NUP133: variants seen among roughly 807,000 people sequenced by gnomAD.
NUP133 encodes the protein nuclear pore complex protein Nup133.
NUP133 carries 66 observed loss-of-function variants against 146.2 expected under a neutral mutation model. The ratio of observed to expected loss-of-function variants is 0.45; its 90% CI spans 0.37 to 0.55. The LOEUF (loss-of-function observed/expected upper bound fraction) is 0.55, where lower values mean the gene tolerates loss of function less well. Ranked by LOEUF, NUP133 falls within the 20% of genes least tolerant of loss-of-function variation. NUP133 has a pLI of 0.00. For missense variants in NUP133, 1,277 were observed against 1,374.8 expected (o/e 0.93, Z 1.12); for synonymous variants, 521 against 498.8 (o/e 1.04, Z -0.59).
intron 21 of NUP133, among the ~76,000 whole-genome samples, chr1:229,453,119 G>T (rs992652811): frequency 6.6e-6 from 1 of 152,020 alleles, no homozygotes; most frequent in African/African-American, 2.4e-5. Flanking sequence ...TAAAGAGATG[G>T]GGTCTTGCTA....
At chr1:229,475,801 C>A in intron 13 of NUP133, 69 bp from the exon 14 acceptor site, 1 of 1,226,410 alleles carries the variant, frequency 8.2e-7, no homozygotes, top group Non-Finnish European at 1.2e-6. Flanking sequence ...ATATCAGTGG[C>A]TAACTGCTAT....
chr1:229,480,358 G>A (rs1265620624), intron 12 of NUP133, among the ~76,000 whole-genome samples: 1 of 152,278 alleles, frequency 6.6e-6, no homozygotes, highest in East Asian at 1.9e-4. Flanking sequence ...CCAGGGTGAA[G>A]CTGGTGACCC....
intron 15 of NUP133, 43 bp downstream of exon 15, chr1:229,470,537 T>A (rs776638658): frequency 1.3e-6 from 2 of 1,495,090 alleles, no homozygotes; most frequent in Non-Finnish European, 1.9e-6. Flanking sequence ...GATCACTAAA[T>A]GGCACAGTTC....
intron 16 of NUP133, 23 bp downstream of exon 16, chr1:229,466,611 A>T: frequency 1.2e-6 from 2 of 1,613,614 alleles, no homozygotes; most frequent in South Asian, 2.2e-5. Context: ...TGATTTGCTG[A>T]AGCCTTTACT....
intron 12 of NUP133, among the ~76,000 whole-genome samples, chr1:229,481,592 G>A (rs1350408943): frequency 6.6e-6 from 1 of 151,660 alleles, no homozygotes; most frequent in Non-Finnish European, 1.5e-5. Flanking sequence ...CCTGCTGCTT[G>A]GGAGGCTGAG....
intron 15 of NUP133, among the ~76,000 whole-genome samples, chr1:229,469,411 C>A (rs530394225): frequency 7.7e-4 from 117 of 152,294 alleles, no homozygotes; most frequent in Admixed American, 7.6e-3. Flanking sequence ...GCAGACTTTA[C>A]TTTTTCTCTG....
intron 10 of NUP133, 71 bp from the exon 11 acceptor site, chr1:229,486,599 C>A: frequency 1.4e-6 from 2 of 1,421,196 alleles, no homozygotes; most frequent in Non-Finnish European, 1.9e-6. Flanking sequence ...AGCTACCACC[C>A]TAAGCAGAAA....
intron 8 of NUP133, among the ~76,000 whole-genome samples, chr1:229,491,238 C>T (rs1268127687): frequency 6.6e-6 from 1 of 152,162 alleles, no homozygotes; most frequent in African/African-American, 2.4e-5. Flanking sequence ...ACTACATGGC[C>T]GCCAAAGCCT....
At position 229,486,547 on chromosome 1, in the gene NUP133, G is replaced by A. The variant is rs780610655; in HGVS notation, c.1343-19C>T. 6.3e-7 allele frequency: 1 copy of A among 1,595,404 alleles called. No individual in the cohort carries two copies. The highest frequency in any genetic ancestry group is 8.5e-7 in the Non-Finnish European group (1 of 1,174,262). The stretch of plus-strand genomic sequence containing the variant: ...CTATCTCCTAAAAGAAAGGAAAACA[G>A]AGTCAAATACATCTAACAATAACAA... On this transcript the variant is annotated intron_variant, in intron 10 of 25. Transcript: ENST00000261396.
chr1:229,502,577 A>AAAG (rs1661831699), intron 2 of NUP133, among the ~76,000 whole-genome samples: 1 of 150,738 alleles, frequency 6.6e-6, no homozygotes, highest in African/African-American at 2.4e-5. Context: ...AAAAAAAAAA[A>AAAG]AAAGAAAGAA....
intron 8 of NUP133, among the ~76,000 whole-genome samples, chr1:229,492,348 C>G (rs1661545816): frequency 6.6e-6 from 1 of 152,026 alleles, no homozygotes. Context: ...CTCAGGTGAT[C>G]CGCCCACCTC....
At chr1:229,497,096 A>G (rs1277521202) in intron 6 of NUP133, among the ~76,000 whole-genome samples, 1 of 152,232 alleles carries the variant, frequency 6.6e-6, no homozygotes, top group Non-Finnish European at 1.5e-5. Context: ...CATCACTGAT[A>G]GGGCAGAAAG....
intron 15 of NUP133, among the ~76,000 whole-genome samples, chr1:229,468,734 A>T (rs1185926202): frequency 6.6e-6 from 1 of 152,226 alleles, no homozygotes; most frequent in Non-Finnish European, 1.5e-5. Context: ...AATTAATTTT[A>T]AAAAATTGTC....
intron 18 of NUP133, 139 bp from the exon 19 acceptor site, chr1:229,463,815 T>C (rs1660750284): frequency 1.1e-6 from 1 of 935,544 alleles, no homozygotes; most frequent in East Asian, 2.9e-5. Flanking sequence ...TCCCACTTAC[T>C]GGCACTTAGT....
chr1:229,469,276 C>A (rs1289651702), intron 15 of NUP133, among the ~76,000 whole-genome samples: 1 of 152,240 alleles, frequency 6.6e-6, no homozygotes, highest in Non-Finnish European at 1.5e-5. Flanking sequence ...ACAGCGAAGT[C>A]TGCCTTGCTG....
intron 12 of NUP133, among the ~76,000 whole-genome samples, chr1:229,482,884 G>T (rs529981874): frequency 6.6e-6 from 1 of 152,330 alleles, no homozygotes; most frequent in Admixed American, 6.5e-5. Flanking sequence ...CAGGAATAGA[G>T]AGCGAGCTGG....
chr1:229,460,843 T>G lies in NUP133; in HGVS notation c.2686-74A>C. On this transcript the variant is annotated intron_variant, in intron 19 of 25. Coordinates refer to ENST00000261396, the MANE Select transcript of NUP133 (RefSeq NM_018230.3). ...CATTTCTGATAACAAAACATAACTT[T>G]GTTCTAAAGGCCTCCAAAACAGAAA... The G allele has an allele frequency of 2.3e-6, 3 of 1,319,154 alleles. No individual in the cohort carries two copies. The South Asian group carries it at 4.2e-5, about 18-fold the overall frequency. 81.7% of individuals were successfully genotyped at this position (1,319,154 alleles called of 1,614,324 possible). A position where few individuals can be genotyped will look rare whatever the true frequency, so the allele number is the denominator to read the frequency against.
intron 20 of NUP133, among the ~76,000 whole-genome samples, chr1:229,459,607 CAT>C (rs1224686789): frequency 3.3e-5 from 5 of 152,160 alleles, no homozygotes; most frequent in Non-Finnish European, 5.9e-5. Context: ...TTGGATTCCA[CAT>C]ATGAGTTATT....
chr1:229,496,490 A>C (rs536331534), intron 6 of NUP133, among the ~76,000 whole-genome samples: 3 of 152,168 alleles, frequency 2.0e-5, no homozygotes, highest in South Asian at 2.1e-4. Flanking sequence ...AACAAACAAA[A>C]CAAACCAGAA....
Sources: gnomAD v4.1 joint callset for allele counts (sites outside exome capture counted in the v4.1 genomes callset) on GRCh38, gnomAD v4.1.1 for gene constraint, MANE v1.5 for transcripts, NCBI Gene and HGNC (gene_info 2026-07-23, HGNC 2026-07-21) for gene names.